The following CNGA1 variants were observed in gnomAD, a reference collection of about 807,000 sequenced individuals.
The protein encoded by CNGA1 is cyclic nucleotide gated channel subunit alpha 1.
Under a neutral mutation model 69.7 loss-of-function variants are expected in CNGA1, and 53 were observed. The observed-to-expected ratio is 0.76, with a 90% CI of 0.61 to 0.96. The LOEUF is 0.96. CNGA1 is among the 40% of genes least tolerant of loss of function. CNGA1 has a pLI of 0.00. For synonymous variants in CNGA1, 249 were observed against 283.5 expected (o/e 0.88, Z 1.22); for missense variants, 739 against 811.2 (o/e 0.91, Z 1.08).
At chr4:47,951,853 T>C (rs749372610) in intron 4 of CNGA1, among the ~76,000 whole-genome samples, 1 of 152,224 alleles carries the variant, frequency 6.6e-6, no homozygotes, top group Admixed American at 6.5e-5. Flanking sequence ...TCAACCACAT[T>C]CATATACATT....
chr4:47,959,900 C>A (rs775822099), intron 3 of CNGA1, among the ~76,000 whole-genome samples: 17 of 152,066 alleles, frequency 1.1e-4, no homozygotes, highest in Non-Finnish European at 1.6e-4. Flanking sequence ...GCCACCACGT[C>A]CAGCTCTAAA....
intron 6 of CNGA1, among the ~76,000 whole-genome samples, chr4:47,944,596 C>A (rs1022558581): frequency 4.6e-5 from 7 of 152,146 alleles, no homozygotes; most frequent in Admixed American, 2.6e-4. Context: ...AGAAAAGTGG[C>A]ATCTTGAAGT....
intron 2 of CNGA1, among the ~76,000 whole-genome samples, chr4:47,998,506 G>A (rs1352843867): frequency 6.6e-6 from 1 of 152,186 alleles, no homozygotes; most frequent in African/African-American, 2.4e-5. Context: ...TTGGCACAGT[G>A]GCTCATGCCT....
chr4:48,007,094 C>T lies in CNGA1; in HGVS notation c.-123+3700G>A, dbSNP rs182263923. 1.2e-3 allele frequency among the ~76,000 whole-genome samples: 186 copies of T among 150,866 alleles called. 1 individual carries two copies. Among genetic ancestry groups the T allele is most frequent in the African/African-American group, 3.9e-3 (159 of 41,128 alleles). On this transcript the variant is annotated intron_variant, in intron 2 of 10. Transcript: ENST00000514170. ...AAAACCTTAATTCTTTAAGAGAGGA[C>T]ACTTAACTTTCTAAACAATTAGCTC... is the stretch of plus-strand genomic sequence containing the variant.
Position 48,005,411 on chromosome 4 carries a change from C to T in CNGA1, c.-123+5383G>A, listed in dbSNP as rs540231023. 1.4e-4 allele frequency among the ~76,000 whole-genome samples: 22 copies of T among 152,240 alleles called. No homozygotes were observed. The South Asian group carries it at 1.4e-3, about 10-fold the overall frequency. On this transcript the variant is annotated intron_variant, in intron 2 of 10. Transcript: ENST00000514170. ...GATTACAGGTGTGAGCCACCACGCC[C>T]GGCCCTGACTTGCTTTATTATACTT...
intron 2 of CNGA1, among the ~76,000 whole-genome samples, chr4:48,003,945 G>C (rs1263569800): frequency 6.7e-6 from 1 of 149,314 alleles, no homozygotes; most frequent in African/African-American, 2.5e-5. Context: ...CACCTCTTGT[G>C]GAAGGCCTGA....
chr4:47,966,928 CATTTATA>C (rs756926133), intron 3 of CNGA1, among the ~76,000 whole-genome samples: 3 of 152,086 alleles, frequency 2.0e-5, no homozygotes, highest in Admixed American at 6.6e-5. Context: ...ATTCAACACC[CATTTATA>C]ACTAGAACTC....
chr4:47,959,198 C>T (rs550236591), intron 3 of CNGA1: 5 of 152,016 alleles, frequency 3.3e-5, no homozygotes, highest in South Asian at 2.1e-4. Flanking sequence ...CCAACAGCCT[C>T]GCAAAAACTA....
At chr4:47,987,499 C>G (rs1034266581) in intron 2 of CNGA1, among the ~76,000 whole-genome samples, 1 of 152,082 alleles carries the variant, frequency 6.6e-6, no homozygotes, top group Non-Finnish European at 1.5e-5. Flanking sequence ...TGTCCATTAC[C>G]GTATCTCTAG....
intron 4 of CNGA1, among the ~76,000 whole-genome samples, chr4:47,952,248 G>C (rs1293278162): frequency 6.6e-6 from 1 of 151,938 alleles, no homozygotes; most frequent in African/African-American, 2.4e-5. Context: ...CACACATGTA[G>C]TCCCAGCTAC....
chr4:47,995,709 T>G (rs1234981034), intron 2 of CNGA1, among the ~76,000 whole-genome samples: 1 of 152,128 alleles, frequency 6.6e-6, no homozygotes, highest in Admixed American at 6.6e-5. Flanking sequence ...TTGGGGGGTG[T>G]TAAAGAACAT....
intron 2 of CNGA1, among the ~76,000 whole-genome samples, chr4:48,005,683 G>A (rs1263203286): frequency 6.6e-6 from 1 of 152,156 alleles, no homozygotes; most frequent in Non-Finnish European, 1.5e-5. Flanking sequence ...CCACAGGTCA[G>A]GAACCCTGTA....
At chr4:48,006,749 G>T (rs1714936442) in intron 2 of CNGA1, among the ~76,000 whole-genome samples, 1 of 152,042 alleles carries the variant, frequency 6.6e-6, no homozygotes, top group Non-Finnish European at 1.5e-5. Flanking sequence ...AGCCTCCCCA[G>T]TAGTTGTGAT....
At chr4:48,000,684 T>A (rs1054957392) in intron 2 of CNGA1, among the ~76,000 whole-genome samples, 30 of 146,662 alleles carry the variant, frequency 2.0e-4, no homozygotes, top group African/African-American at 5.8e-4. Context: ...AGTGATTTTT[T>A]AAAAAAATTA....
intron 1 of CNGA1, among the ~76,000 whole-genome samples, chr4:48,015,044 G>T (rs1467191345): frequency 6.6e-6 from 1 of 152,038 alleles, no homozygotes; most frequent in African/African-American, 2.4e-5. Context: ...CGGGCGTGGT[G>T]GGGGGCGCCT....
chr4:47,988,894 G>A (rs937387836), intron 2 of CNGA1, among the ~76,000 whole-genome samples: 5 of 151,700 alleles, frequency 3.3e-5, no homozygotes, highest in South Asian at 2.1e-4. Flanking sequence ...ACATATAAGC[G>A]GACCCATGTA....
chr4:48,008,599 C>G lies in CNGA1; in HGVS notation c.-123+2195G>C, dbSNP rs149331107. Among the ~76,000 whole-genome samples the G allele has an allele frequency of 6.5e-3, 978 of 149,480 alleles. 6 individuals carry two copies. Among genetic ancestry groups the G allele is most frequent in the African/African-American group, 0.022 (880 of 40,678 alleles). On this transcript the variant is annotated intron_variant, in intron 2 of 10. Coordinates refer to ENST00000514170, the MANE Select transcript of CNGA1 (RefSeq NM_001379270.1). ...TTCTAAATTATGACAAGTTTGCCTA[C>G]AAGTATTTATCCCATTACATCTGTC...
At chr4:48,009,930 A>G (rs6816153) in intron 2 of CNGA1, among the ~76,000 whole-genome samples, 17,260 of 152,202 alleles carry the variant, frequency 0.11, 1,575 homozygotes, top group East Asian at 0.32. Flanking sequence ...TCAGTAGTGA[A>G]ACATTATGTA....
chr4:47,975,454 A>G (rs1741297103), intron 3 of CNGA1, among the ~76,000 whole-genome samples: 1 of 152,236 alleles, frequency 6.6e-6, no homozygotes, highest in Admixed American at 6.5e-5. Context: ...TATCTACAAT[A>G]CAATAAAAAG....
Sources: allele counts gnomAD v4.1 joint callset (sites outside exome capture counted in the v4.1 genomes callset), GRCh38; gene constraint gnomAD v4.1.1; transcripts MANE v1.5; gene names NCBI Gene and HGNC (gene_info 2026-07-23, HGNC 2026-07-21).